Variants in OTUD7A observed in about 807,000 individuals in gnomAD.
OTUD7A encodes the protein OTU deubiquitinase 7A.
OTUD7A carries 12 observed loss-of-function variants against 65.7 expected under a neutral mutation model. The ratio of observed to expected loss-of-function variants is 0.18; its 90% CI spans 0.12 to 0.30. The LOEUF is 0.30. Ranked by LOEUF, OTUD7A falls within the 10% of genes least tolerant of loss-of-function variation. The probability of loss-of-function intolerance (pLI) is 1.00; values close to 1 mark genes in which losing one functional copy is unlikely to be tolerated. For missense variants in OTUD7A, 1,148 were observed against 1,304.8 expected (o/e 0.88, Z 1.85); for synonymous variants, 641 against 586.3 (o/e 1.09, Z -1.35).
Position 31,807,957 on chromosome 15 carries a change from C to T in OTUD7A, c.-100+62550G>A, listed in dbSNP as rs182789433. On this transcript the variant is annotated intron_variant, in intron 1 of 12. Transcript: ENST00000307050. ...TAATAACCTCGAGGAAGCTTCCCTG[C>T]TGCTGATAGGTGCCAGTTTCGTCTG... Among the ~76,000 whole-genome samples, 710 of 152,174 alleles carry T rather than the reference C, an allele frequency of 4.7e-3. 11 individuals carry two copies. The highest frequency in any genetic ancestry group is 4.8e-3 in the Non-Finnish European group (329 of 68,016).
At chr15:31,578,969 T>C (rs918754171) in intron 3 of OTUD7A, among the ~76,000 whole-genome samples, 1 of 152,230 alleles carries the variant, frequency 6.6e-6, no homozygotes, top group South Asian at 2.1e-4. Context: ...ACCTGTGTCA[T>C]GGGCCATGGT....
At chr15:31,749,656 T>G (rs1894575688) in intron 1 of OTUD7A, among the ~76,000 whole-genome samples, 1 of 152,086 alleles carries the variant, frequency 6.6e-6, no homozygotes, top group African/African-American at 2.4e-5. Context: ...AACATGAGGA[T>G]GCCCACTTTC....
At chr15:31,683,778 T>C (rs566273650) in intron 1 of OTUD7A, among the ~76,000 whole-genome samples, 30 of 152,258 alleles carry the variant, frequency 2.0e-4, no homozygotes, top group African/African-American at 6.5e-4. Context: ...TGGAGTTCTA[T>C]TCCTTCAGAA....
chr15:31,497,231 T>G (rs78142166), intron 10 of OTUD7A, among the ~76,000 whole-genome samples: 7,651 of 151,646 alleles, frequency 0.05, 647 homozygotes, highest in African/African-American at 0.18. Flanking sequence ...GAAAAACTAT[T>G]TAAATAATTG....
chr15:31,870,094 G>C (rs1166980646), intron 1 of OTUD7A, among the ~76,000 whole-genome samples: 2 of 150,184 alleles, frequency 1.3e-5, no homozygotes, highest in African/African-American at 2.4e-5. Flanking sequence ...TGCAAGAGCC[G>C]CGGGACCCCC....
intron 1 of OTUD7A, among the ~76,000 whole-genome samples, chr15:31,810,335 C>T (rs115953863): frequency 0.016 from 2,376 of 152,220 alleles, 66 homozygotes; most frequent in African/African-American, 0.054. Flanking sequence ...CCTATGTTGA[C>T]GTCCTAGCCA....
rs114064376 is a variant in OTUD7A, at chr15:31,591,639, T to C, written c.152-21442A>G. 5.5e-3 allele frequency among the ~76,000 whole-genome samples: 837 copies of C among 152,310 alleles called. 7 individuals carry two copies. The highest frequency in any genetic ancestry group is 0.019 in the African/African-American group (786 of 41,564). On this transcript the variant is annotated intron_variant, in intron 3 of 12. Transcript: ENST00000307050. ...AGGTCGTGAGACTTCTCAGCTTCCA[T>C]AACCTCATGGGTCAATTCCTTATAA...
intron 3 of OTUD7A, among the ~76,000 whole-genome samples, chr15:31,627,946 T>C (rs558834288): frequency 1.3e-5 from 2 of 150,650 alleles, no homozygotes; most frequent in Non-Finnish European, 2.9e-5. Context: ...TTGTTTGTTT[T>C]TTTTCTTTTA....
In OTUD7A at chr15:31,696,673, G is replaced by A. The variant is rs1478863973; in HGVS notation, c.-99-39596C>T. 4.0e-5 allele frequency among the ~76,000 whole-genome samples: 6 copies of A among 151,660 alleles called. No homozygotes were observed. In the East Asian group the frequency reaches 7.8e-4, roughly 20 times the overall value. On this transcript the variant is annotated intron_variant, in intron 1 of 12. Transcript: ENST00000307050. ...GTCCTGGTGAGAGGTCAGACCCAAC[G>A]GCTGCTGGTCCACCACCCAGATGAC...
At chr15:31,666,204 G>C (rs1892315975) in intron 1 of OTUD7A, among the ~76,000 whole-genome samples, 1 of 151,570 alleles carries the variant, frequency 6.6e-6, no homozygotes, top group African/African-American at 2.4e-5. Flanking sequence ...TTCTTTCTCT[G>C]TCTTGTGGAA....
chr15:31,745,126 T>C (rs1566999489), intron 1 of OTUD7A, among the ~76,000 whole-genome samples: 1 of 152,122 alleles, frequency 6.6e-6, no homozygotes, highest in Non-Finnish European at 1.5e-5. Flanking sequence ...TCTCCCAAAA[T>C]TAATCTACAG....
chr15:31,658,058 C>G (rs1300967626), intron 1 of OTUD7A, among the ~76,000 whole-genome samples: 1 of 152,114 alleles, frequency 6.6e-6, no homozygotes, highest in Non-Finnish European at 1.5e-5. Flanking sequence ...AGCGTTGGCC[C>G]TGGAATCAGT....
chr15:31,590,984 G>A (rs879540125), intron 3 of OTUD7A, among the ~76,000 whole-genome samples: 1 of 152,168 alleles, frequency 6.6e-6, no homozygotes, highest in Non-Finnish European at 1.5e-5. Context: ...AACAGAGTAA[G>A]AGGTAAGACA....
chr15:31,837,372 C>CAAAAA (rs57479397), intron 1 of OTUD7A, among the ~76,000 whole-genome samples: 26 of 120,320 alleles, frequency 2.2e-4, no homozygotes, highest in African/African-American at 8.4e-4. Context: ...ACTAAAAATA[C>CAAAAA]AAAAAAAAAA....
At chr15:31,629,104 C>G (rs1017020247) in intron 3 of OTUD7A, among the ~76,000 whole-genome samples, 19 of 152,016 alleles carry the variant, frequency 1.2e-4, no homozygotes, top group Non-Finnish European at 2.5e-4. Flanking sequence ...TGCCTAATTG[C>G]CCTGGCCAGA....
intron 5 of OTUD7A, among the ~76,000 whole-genome samples, chr15:31,537,286 A>C (rs1887835326): frequency 6.6e-6 from 1 of 152,248 alleles, no homozygotes; most frequent in Admixed American, 6.5e-5. Context: ...GTTAAGATTC[A>C]GTGATTCCAT....
At chr15:31,502,664 A>T (rs1018775095) in intron 9 of OTUD7A, among the ~76,000 whole-genome samples, 1 of 152,230 alleles carries the variant, frequency 6.6e-6, no homozygotes, top group African/African-American at 2.4e-5. Context: ...TGTGAGTAGC[A>T]TGGTAGGAAG....
At chr15:31,816,246 T>C (rs1198829863) in intron 1 of OTUD7A, among the ~76,000 whole-genome samples, 1 of 152,180 alleles carries the variant, frequency 6.6e-6, no homozygotes, top group African/African-American at 2.4e-5. Context: ...ACACATGCAA[T>C]TCTAGCATGT....
chr15:31,506,146 G>A (rs185927373), intron 8 of OTUD7A, among the ~76,000 whole-genome samples: 1 of 151,918 alleles, frequency 6.6e-6, no homozygotes, highest in Admixed American at 6.6e-5. Flanking sequence ...AATTTTTGTA[G>A]TGCTTTTGTT....
Sources: allele counts gnomAD v4.1 joint callset (sites outside exome capture counted in the v4.1 genomes callset), GRCh38; gene constraint gnomAD v4.1.1; transcripts MANE v1.5; gene names NCBI Gene and HGNC (gene_info 2026-07-23, HGNC 2026-07-21).